The following CRHR2 variants were observed in gnomAD, a reference collection of about 807,000 sequenced individuals.
The protein encoded by CRHR2 is corticotropin-releasing hormone receptor 2.
In CRHR2, 53 loss-of-function variants were observed where a neutral mutation model predicts 57.9. The ratio of observed to expected loss-of-function variants is 0.92; its 90% CI spans 0.73 to 1.15. CRHR2 has a LOEUF of 1.15. Ranked by LOEUF, CRHR2 falls within the 50% of genes most tolerant of loss-of-function variation. CRHR2 has a pLI of 0.00. For synonymous variants in CRHR2, 213 were observed against 220.9 expected (o/e 0.96, Z 0.32); for missense variants, 532 against 542.6 (o/e 0.98, Z 0.19).
At chr7:30,689,068 G>A in intron 2 of CRHR2, 1 of 850,152 alleles carries the variant, frequency 1.2e-6, no homozygotes, top group East Asian at 2.7e-5. Flanking sequence ...AACCAGGACT[G>A]GAAACCAGCA....
At chr7:30,676,967 T>G (rs554198818) in intron 2 of CRHR2, among the ~76,000 whole-genome samples, 2 of 152,268 alleles carry the variant, frequency 1.3e-5, no homozygotes, top group African/African-American at 4.8e-5. Context: ...ATTGCGGAGC[T>G]TGAGGTCAAG....
At chr7:30,694,058 C>G (rs1785010544) in intron 1 of CRHR2, among the ~76,000 whole-genome samples, 1 of 152,176 alleles carries the variant, frequency 6.6e-6, no homozygotes, top group Non-Finnish European at 1.5e-5. Flanking sequence ...TGTCCCCAGT[C>G]CCCAGTTCAG....
In CRHR2 at chr7:30,653,711, AG is replaced by A; in HGVS notation, c.1096-112del. Reference sequence around the variant, plus strand: ...TGGGTCGACTGCCACCCTCATGACAAGGAACTGTCTGCTTCCAAAACAGGTC... The same window carrying A: ...TGGGTCGACTGCCACCCTCATGACAAGAACTGTCTGCTTCCAAAACAGGTC... On this transcript the variant is annotated intron_variant, in intron 11 of 11. Transcript: ENST00000471646. This position sits in a 1 kb window ranked among gnomAD's most constrained non-coding sequence, Gnocchi z 5.0. 1 of 1,333,356 alleles carries A rather than the reference AG, an allele frequency of 7.5e-7. No individual in the cohort carries two copies. Among genetic ancestry groups the A allele is most frequent in the Non-Finnish European group, 1.0e-6 (1 of 1,001,052 alleles). 82.6% of individuals were successfully genotyped at this position (1,333,356 alleles called of 1,614,324 possible).
At chr7:30,680,488 C>T (rs929407522) in intron 2 of CRHR2, among the ~76,000 whole-genome samples, 3 of 152,212 alleles carry the variant, frequency 2.0e-5, no homozygotes, top group African/African-American at 7.2e-5. Context: ...GGCCCTTAAT[C>T]TCCGGGCCCA....
intron 11 of CRHR2, chr7:30,654,671 T>C: frequency 6.5e-7 from 1 of 1,535,256 alleles, no homozygotes; most frequent in South Asian, 1.2e-5. Context: ...TGCTGGTCTC[T>C]CTTCTGCTCC....
chr7:30,667,879 T>C (rs1356030958), intron 2 of CRHR2, among the ~76,000 whole-genome samples: 1 of 152,232 alleles, frequency 6.6e-6, no homozygotes. Context: ...ATAAAGAGAT[T>C]AAGCTACTGG....
chr7:30,665,270 G>T lies in CRHR2; in HGVS notation c.426-83C>A, dbSNP rs746167448. On this transcript the variant is annotated intron_variant, in intron 4 of 11. Coordinates refer to ENST00000471646, the MANE Select transcript of CRHR2 (RefSeq NM_001883.5). This position sits in a 1 kb window ranked among gnomAD's most constrained non-coding sequence, Gnocchi z 4.5. ...CCCCCTGAGGCCAGGTAGAGACTCA[G>T]CCTGGGATGAGGGCAGGGCTGCACT... 4.9e-6 allele frequency: 6 copies of T among 1,233,166 alleles called. No individual in the cohort carries two copies. Among genetic ancestry groups the T allele is most frequent in the Non-Finnish European group, 7.1e-6 (6 of 842,258 alleles). 76.4% of individuals were successfully genotyped at this position (1,233,166 alleles called of 1,614,324 possible).
intron 2 of CRHR2, among the ~76,000 whole-genome samples, chr7:30,668,032 G>GGCT (rs1237269048): frequency 3.9e-5 from 6 of 152,238 alleles, no homozygotes; most frequent in Non-Finnish European, 8.8e-5. Context: ...ACCGCCCTCG[G>GGCT]GCTGCTGCTG....
rs770088647 is a variant in CRHR2 at position 30,681,907 on chromosome 7, G to A, written c.229+8C>T. 3 of 1,606,010 alleles carry A rather than the reference G, an allele frequency of 1.9e-6. No homozygotes were observed. The highest frequency in any genetic ancestry group is 1.1e-5 in the South Asian group (1 of 89,974). Reference sequence around the variant, plus strand: ...GTAGAGCAGGCAGCGAGGGCCGGGGGCACTCACGGGTCGTGTTGTACTTGA... The same window carrying A: ...GTAGAGCAGGCAGCGAGGGCCGGGGACACTCACGGGTCGTGTTGTACTTGA... On this transcript the variant is annotated splice_region_variant and intron_variant, in intron 2 of 11. Coordinates refer to ENST00000471646, the MANE Select transcript of CRHR2 (RefSeq NM_001883.5).
chr7:30,684,207 C>A (rs1185895523), upstream of CRHR2, among the ~76,000 whole-genome samples: 1 of 152,210 alleles, frequency 6.6e-6, no homozygotes, highest in Non-Finnish European at 1.5e-5. Flanking sequence ...CAGAGTCCTA[C>A]CCTCCGCTCC....
Position 30,655,622 on chromosome 7 carries a change from C to T in CRHR2, c.1011G>A (p.Gln337=), listed in dbSNP as rs951937875. 2 of 1,614,124 alleles carry T rather than the reference C, an allele frequency of 1.2e-6. No homozygotes were observed. Among genetic ancestry groups the T allele is most frequent in the Admixed American group, 1.7e-5 (1 of 60,020 alleles). ...AGGAGTTGAAATAGATGAACATGATCTGTGACAGGTCGTCCTCCCCGGGAT... is the reference window on the plus strand; with the variant it reads ...AGGAGTTGAAATAGATGAACATGATTTGTGACAGGTCGTCCTCCCCGGGAT... The part of the protein sequence containing the change: ...FVNPGEDDLS[Q]IMFIYFNSFL... The change falls in exon 10 of 12, where the codon CAG becomes CAA. Residue 337 remains glutamine, a synonymous_variant. Coordinates refer to ENST00000471646, the MANE Select transcript of CRHR2 (RefSeq NM_001883.5).
At chr7:30,660,876 C>T (rs749242441) in intron 7 of CRHR2, among the ~76,000 whole-genome samples, 17 of 152,330 alleles carry the variant, frequency 1.1e-4, no homozygotes, top group Admixed American at 9.1e-4. Context: ...GAGGACAGGC[C>T]ATGGGTCTCT....
intron 8 of CRHR2, among the ~76,000 whole-genome samples, chr7:30,658,713 C>T (rs1783881362): frequency 1.3e-5 from 2 of 152,234 alleles, no homozygotes; most frequent in Admixed American, 6.5e-5. Context: ...CTGAAATAGT[C>T]ACAGAGACCA....
At chr7:30,678,599 C>G (rs188026842) in intron 2 of CRHR2, among the ~76,000 whole-genome samples, 28 of 152,226 alleles carry the variant, frequency 1.8e-4, no homozygotes, top group African/African-American at 6.0e-4. Context: ...ATTTGCTAAC[C>G]CCACATCCTG....
intron 1 of CRHR2, among the ~76,000 whole-genome samples, chr7:30,689,579 T>C (rs1215282298): frequency 7.4e-6 from 1 of 135,708 alleles, no homozygotes; most frequent in Non-Finnish European, 1.6e-5. Context: ...GTCACTGTCA[T>C]GGGGCTTGTG....
chr7:30,662,357 C>T, intron 6 of CRHR2, 141 bp from the exon 7 acceptor site: 1 of 969,348 alleles, frequency 1.0e-6, no homozygotes, highest in Non-Finnish European at 1.6e-6. Flanking sequence ...CAGGGGTGCC[C>T]TGTCCCTCAA....
At position 30,681,952 on chromosome 7, in the gene CRHR2, G is replaced by A; in HGVS notation, c.192C>T (p.Cys64=). 2 of 1,612,248 alleles carry A rather than the reference G, an allele frequency of 1.2e-6. No individual in the cohort carries two copies. The highest frequency in any genetic ancestry group is 1.7e-6 in the Non-Finnish European group (2 of 1,179,564). Residue 64 remains cysteine, a synonymous_variant, in exon 2 of 12, where the codon TGC becomes TGT. Coordinates refer to ENST00000471646, the MANE Select transcript of CRHR2 (RefSeq NM_001883.5). ...ACTTGACGCCGTTGAAGTACTCGGG[G>A]CACGGCCTCTCCACGAGGGCTCCGG... The part of the protein sequence containing the change: ...SAAGALVERP[C]PEYFNGVKYN...
intron 1 of CRHR2, among the ~76,000 whole-genome samples, chr7:30,690,525 T>C (rs867809932): frequency 6.6e-6 from 1 of 152,274 alleles, no homozygotes; most frequent in Middle Eastern, 3.4e-3. Context: ...TCCATCAGTG[T>C]GCAGCCCCTT....
intron 1 of CRHR2, among the ~76,000 whole-genome samples, chr7:30,693,419 C>CA (rs2128151542): frequency 6.6e-6 from 1 of 152,282 alleles, no homozygotes; most frequent in African/African-American, 2.4e-5. Context: ...TTGGGGGCTT[C>CA]TGGTTGGTGA....
Sources: gnomAD v4.1 joint callset for allele counts (sites outside exome capture counted in the v4.1 genomes callset) on GRCh38, gnomAD v4.1.1 for gene constraint, Gnocchi (gnomAD v3.1) non-coding constraint, MANE v1.5 for transcripts, NCBI Gene and HGNC (gene_info 2026-07-23, HGNC 2026-07-21) for gene names.